The following GMDS variants were observed in gnomAD, a reference collection of about 807,000 sequenced individuals.
GMDS encodes the protein GDP-mannose 4,6-dehydratase, also known as GDP-mannose 4,6 dehydratase.
A neutral mutation model predicts 49.9 loss-of-function variants in GMDS; 20 were observed. The ratio of observed to expected loss-of-function variants is 0.40; its 90% CI spans 0.28 to 0.58. The LOEUF (loss-of-function observed/expected upper bound fraction) is 0.58. GMDS is among the 20% of genes least tolerant of loss of function. The probability of loss-of-function intolerance (pLI) is 0.42; values close to 1 mark genes in which losing one functional copy is unlikely to be tolerated. For synonymous variants in GMDS, 177 were observed against 178.6 expected (o/e 0.99, Z 0.07); for missense variants, 362 against 481.4 (o/e 0.75, Z 2.32).
intron 7 of GMDS, among the ~76,000 whole-genome samples, chr6:1,905,151 C>T (rs1015519168): frequency 1.3e-5 from 2 of 152,228 alleles, no homozygotes; most frequent in African/African-American, 4.8e-5. Flanking sequence ...CTTTGGGCAG[C>T]GAGCACTTAT....
intron 9 of GMDS, among the ~76,000 whole-genome samples, chr6:1,633,493 G>A (rs1174316949): frequency 6.6e-6 from 1 of 152,168 alleles, no homozygotes; most frequent in African/African-American, 2.4e-5. Context: ...CCTGAGTTTC[G>A]GCTGATGGGA....
At chr6:1,837,793 G>T (rs966409543) in intron 7 of GMDS, among the ~76,000 whole-genome samples, 10 of 152,142 alleles carry the variant, frequency 6.6e-5, no homozygotes, top group African/African-American at 2.4e-4. Flanking sequence ...AGGATGAATG[G>T]CTGGGGCTTT....
At chr6:1,750,204 T>C (rs192508270) in intron 7 of GMDS, among the ~76,000 whole-genome samples, 1 of 152,336 alleles carries the variant, frequency 6.6e-6, no homozygotes, top group African/African-American at 2.4e-5. Flanking sequence ...CTTAACTTTA[T>C]TATTTTTCTT....
At chr6:2,234,889 G>A (rs139373966) in intron 1 of GMDS, among the ~76,000 whole-genome samples, 6 of 152,316 alleles carry the variant, frequency 3.9e-5, no homozygotes, top group African/African-American at 1.2e-4. Context: ...ACTCTGGGAG[G>A]CCAAGGTGGG....
chr6:2,013,415 T>C (rs1478414496), intron 4 of GMDS, among the ~76,000 whole-genome samples: 2 of 151,850 alleles, frequency 1.3e-5, no homozygotes, highest in Admixed American at 1.3e-4. Context: ...GACAAGGTCA[T>C]GACAAAAGAA....
intron 1 of GMDS, among the ~76,000 whole-genome samples, chr6:2,148,035 G>A (rs1053387114): frequency 3.3e-5 from 5 of 151,864 alleles, no homozygotes; most frequent in African/African-American, 4.8e-5. Flanking sequence ...CTCAAAGTGC[G>A]GCACCCATAC....
At chr6:2,048,385 C>T (rs1259391798) in intron 4 of GMDS, among the ~76,000 whole-genome samples, 4 of 152,126 alleles carry the variant, frequency 2.6e-5, no homozygotes, top group Non-Finnish European at 5.9e-5. Context: ...TACTCTGTTC[C>T]ACTGGTCTAT....
chr6:1,664,089 G>A (rs988941866), intron 9 of GMDS, among the ~76,000 whole-genome samples: 6 of 152,048 alleles, frequency 3.9e-5, no homozygotes, highest in Admixed American at 1.3e-4. Context: ...ACAATAATTA[G>A]GCTAAAAGTT....
At chr6:1,864,808 C>T (rs966164740) in intron 7 of GMDS, among the ~76,000 whole-genome samples, 3 of 152,126 alleles carry the variant, frequency 2.0e-5, no homozygotes, top group Non-Finnish European at 4.4e-5. Context: ...AGCAAACACC[C>T]GACAAGGCTG....
At chr6:2,230,840 C>T (rs1270441980) in intron 1 of GMDS, among the ~76,000 whole-genome samples, 1 of 151,368 alleles carries the variant, frequency 6.6e-6, no homozygotes, top group African/African-American at 2.4e-5. Context: ...TAACAAAAAT[C>T]TACTATGTAT....
At chr6:2,121,470 T>G (rs1162297836) in intron 2 of GMDS, among the ~76,000 whole-genome samples, 2 of 152,186 alleles carry the variant, frequency 1.3e-5, no homozygotes, top group Non-Finnish European at 2.9e-5. Context: ...ACTTTTAAAT[T>G]GAGTCACTTC....
intron 9 of GMDS, among the ~76,000 whole-genome samples, chr6:1,661,942 T>C (rs1289539658): frequency 1.3e-5 from 2 of 152,160 alleles, no homozygotes; most frequent in Non-Finnish European, 2.9e-5. Context: ...CAAAAACCCA[T>C]GACAGACAGC....
intron 1 of GMDS, among the ~76,000 whole-genome samples, chr6:2,126,545 C>T (rs761063441): frequency 6.6e-6 from 1 of 152,190 alleles, no homozygotes; most frequent in Non-Finnish European, 1.5e-5. Flanking sequence ...TACATTAATG[C>T]AGAAGTCATG....
intron 9 of GMDS, among the ~76,000 whole-genome samples, chr6:1,713,145 T>C (rs74506366): frequency 0.027 from 4,129 of 152,342 alleles, 143 homozygotes; most frequent in Admixed American, 0.085. Context: ...AGCAACTGAC[T>C]CTGTTTTATG....
chr6:1,892,370 T>A (rs1759910693), intron 7 of GMDS, among the ~76,000 whole-genome samples: 1 of 152,160 alleles, frequency 6.6e-6, no homozygotes, highest in Non-Finnish European at 1.5e-5. Flanking sequence ...ATTAAGCTTT[T>A]TTCTTTTTAG....
intron 4 of GMDS, among the ~76,000 whole-genome samples, chr6:1,999,981 TTTTA>T (rs1457235657): frequency 1.3e-4 from 2 of 15,928 alleles, no homozygotes; most frequent in Admixed American, 1.1e-3. Context: ...TATATATATA[TTTTA>T]TATATATATA....
At chr6:2,075,126 T>G (rs1459008486) in intron 4 of GMDS, among the ~76,000 whole-genome samples, 1 of 152,166 alleles carries the variant, frequency 6.6e-6, no homozygotes, top group Admixed American at 6.5e-5. Flanking sequence ...GCTGTTCTCT[T>G]TGGTTCCATA....
At chr6:2,209,810 G>C (rs1779986192) in intron 1 of GMDS, among the ~76,000 whole-genome samples, 1 of 152,080 alleles carries the variant, frequency 6.6e-6, no homozygotes, top group African/African-American at 2.4e-5. Flanking sequence ...AATGTTTAAT[G>C]CTAGGCTTAA....
rs1763466175 is a variant in GMDS at position 1,953,470 on chromosome 6, T to C, written c.643+6397A>G. ...AATGTATTTTTTGTTCCCTCTTAAT[T>C]ATCATGCAAAATGTTTTTTCTTAAT... On this transcript the variant is annotated intron_variant, in intron 6 of 10. Coordinates refer to ENST00000380815, the MANE Select transcript of GMDS (RefSeq NM_001500.4). Among the ~76,000 whole-genome samples the C allele has an allele frequency of 2.6e-5, 4 of 152,308 alleles. No homozygotes were observed. In the South Asian group the frequency reaches 8.3e-4, roughly 32 times the overall value.
Sources: allele counts gnomAD v4.1 joint callset (sites outside exome capture counted in the v4.1 genomes callset), GRCh38; gene constraint gnomAD v4.1.1; transcripts MANE v1.5; gene names NCBI Gene and HGNC (gene_info 2026-07-23, HGNC 2026-07-21).